TGIF1: variants seen among roughly 807,000 people sequenced by gnomAD.
TGIF1 encodes TGFB induced factor homeobox 1.
A neutral mutation model predicts 19.3 loss-of-function variants in TGIF1; 4 were observed. The ratio of observed to expected loss-of-function variants is 0.21; its 90% CI spans 0.10 to 0.47. The LOEUF is 0.47. Ranked by LOEUF, TGIF1 falls within the 20% of genes least tolerant of loss-of-function variation. The pLI, the probability that TGIF1 is intolerant of heterozygous loss-of-function variation, is 0.98. For synonymous variants in TGIF1, 122 were observed against 129.3 expected (o/e 0.94, Z 0.38); for missense variants, 275 against 341.4 (o/e 0.81, Z 1.53).
chr18:3,452,339 A>G, intron 1 of TGIF1: 2 of 1,613,288 alleles, frequency 1.2e-6, no homozygotes, highest in Non-Finnish European at 1.7e-6. Context: ...CCCAGGGCGC[A>G]CAGGGTCCAG....
rs184302137 is a variant in TGIF1, at chr18:3,450,678, C to T, written c.16+173C>T. On this transcript the variant is annotated intron_variant, in intron 1 of 2. Coordinates refer to ENST00000343820, the MANE Select transcript of TGIF1 (RefSeq NM_003244.4). ...GTCTGAAACGGCAGCGGCTGTTTTC[C>T]TGCTAGACACAACACGAGGGGCTGT... Among the ~76,000 whole-genome samples, 488 of 152,322 alleles carry T rather than the reference C, an allele frequency of 3.2e-3. 1 individual carries two copies. Among genetic ancestry groups the T allele is most frequent in the African/African-American group, 0.011 (447 of 41,574 alleles).
intron 1 of TGIF1, among the ~76,000 whole-genome samples, chr18:3,450,972 C>G (rs2082904028): frequency 6.8e-6 from 1 of 147,986 alleles, no homozygotes; most frequent in Admixed American, 6.7e-5. Flanking sequence ...GCTCCCCCCG[C>G]CCCCGCCCCC....
rs2082920315 is a variant in TGIF1 at position 3,451,371 on chromosome 18, A to C, written c.16+866A>C. 1.0e-6 allele frequency: 1 copy of C among 983,518 alleles called. No individual in the cohort carries two copies. The highest frequency in any genetic ancestry group is 1.8e-5 in the African/African-American group (1 of 55,696). 60.9% of individuals were successfully genotyped at this position (983,518 alleles called of 1,614,324 possible). ...GGGGGACGGGGGGTGGAGAAACCAC[A>C]CAAAACACCCCGAAAGGTCAGAGTG... On this transcript the variant is annotated intron_variant, in intron 1 of 2. Coordinates refer to ENST00000343820, the MANE Select transcript of TGIF1 (RefSeq NM_003244.4). This position sits in a 1 kb window ranked among gnomAD's most constrained non-coding sequence, Gnocchi z 5.4.
At chr18:3,427,178 A>G (rs1196706094) in intron 2 of TGIF1, among the ~76,000 whole-genome samples, 1 of 152,048 alleles carries the variant, frequency 6.6e-6, no homozygotes, top group Non-Finnish European at 1.5e-5. Flanking sequence ...TCCTGACCTC[A>G]GGCAATCCAC....
At chr18:3,431,893 G>C (rs901328077) in intron 2 of TGIF1, among the ~76,000 whole-genome samples, 4 of 152,144 alleles carry the variant, frequency 2.6e-5, no homozygotes, top group Non-Finnish European at 5.9e-5. Context: ...CTCTTTGGGA[G>C]GCTGAGGCAG....
chr18:3,422,011 T>C (rs1740624264), intron 2 of TGIF1, among the ~76,000 whole-genome samples: 2 of 151,960 alleles, frequency 1.3e-5, no homozygotes, highest in Admixed American at 6.6e-5. Flanking sequence ...CTGGCCAACA[T>C]GGTGAAACCC....
At chr18:3,436,754 G>C (rs1377871009) in intron 2 of TGIF1, among the ~76,000 whole-genome samples, 1 of 151,960 alleles carries the variant, frequency 6.6e-6, no homozygotes, top group East Asian at 1.9e-4. Context: ...GGGAAGTGGA[G>C]GTTCCAGTGA....
chr18:3,457,019 G>A lies in TGIF1; in HGVS notation c.244-346G>A, dbSNP rs2049377578. On this transcript the variant is annotated intron_variant, in intron 2 of 2. Coordinates refer to ENST00000343820, the MANE Select transcript of TGIF1 (RefSeq NM_003244.4). The surrounding 1 kb of genome is among the most constrained non-coding windows in gnomAD (Gnocchi z 4.9). Reference sequence around the variant, plus strand: ...GTAGTTGATTAACTTAAATGTTGGGGCAGTAGGTGATAGGTTAAAATGGGG... The same window carrying A: ...GTAGTTGATTAACTTAAATGTTGGGACAGTAGGTGATAGGTTAAAATGGGG... 1.8e-6 allele frequency: 1 copy of A among 553,726 alleles called. No individual in the cohort carries two copies. The highest frequency in any genetic ancestry group is 3.2e-6 in the Non-Finnish European group (1 of 313,952). The allele number at this position is 553,726 out of a possible 1,614,324, so 34.3% of individuals were successfully genotyped here. A position where few individuals can be genotyped will look rare whatever the true frequency, so the allele number is the denominator to read the frequency against.
intron 2 of TGIF1, among the ~76,000 whole-genome samples, chr18:3,443,557 T>C (rs2143246375): frequency 6.6e-6 from 1 of 152,228 alleles, no homozygotes; most frequent in African/African-American, 2.4e-5. Context: ...GCCCAGCCAA[T>C]ATAATATGAA....
In TGIF1 at chr18:3,459,766, C is replaced by T. The variant is rs1292272484; in HGVS notation, c.*1826C>T. On this transcript the variant is annotated 3_prime_UTR_variant, in exon 3 of 3. Transcript: ENST00000343820. ...AAAAACTGTAAGTCACCTTAAATTC[C>T]CTATGTTTTACTTCATTTTTTCCCT... The T allele has an allele frequency of 2.0e-5, 3 of 152,126 alleles. No homozygotes were observed. The highest frequency in any genetic ancestry group is 7.2e-5 in the African/African-American group (3 of 41,430). 9.4% of individuals were successfully genotyped at this position (152,126 alleles called of 1,614,324 possible).
chr18:3,445,745 AAAAAAAAAGAGAAGAAAAGC>A, upstream of TGIF1, among the ~76,000 whole-genome samples: 1 of 129,710 alleles, frequency 7.7e-6, no homozygotes, highest in African/African-American at 3.1e-5. Flanking sequence ...AAAAAAAAAA[AAAAAAAAAGAGAAGAAAAGC>A]AAAAAAAAAA....
intron 2 of TGIF1, among the ~76,000 whole-genome samples, chr18:3,434,720 G>A (rs562784041): frequency 3.3e-5 from 5 of 151,918 alleles, no homozygotes; most frequent in Admixed American, 2.0e-4. Context: ...CTCAGAAAAC[G>A]AAAATAAATA....
At chr18:3,442,909 G>C (rs932156133) in intron 2 of TGIF1, among the ~76,000 whole-genome samples, 1 of 152,182 alleles carries the variant, frequency 6.6e-6, no homozygotes, top group African/African-American at 2.4e-5. Context: ...ATAATATTCA[G>C]CGTTAGTGAG....
chr18:3,423,334 C>A (rs2082429966), intron 2 of TGIF1, among the ~76,000 whole-genome samples: 1 of 152,032 alleles, frequency 6.6e-6, no homozygotes, highest in Non-Finnish European at 1.5e-5. Context: ...GTCCCTTGAG[C>A]CCAGAGTTCT....
At chr18:3,447,697 T>C (rs1295074086), upstream of TGIF1, 2 of 1,612,886 alleles carry the variant, frequency 1.2e-6, no homozygotes, top group South Asian at 2.2e-5. Context: ...TGTGCCAGTG[T>C]TTCTCTTTGG....
chr18:3,454,639 A>C (rs2083106366), intron 1 of TGIF1, among the ~76,000 whole-genome samples: 1 of 152,226 alleles, frequency 6.6e-6, no homozygotes, highest in Non-Finnish European at 1.5e-5. Flanking sequence ...CAATAGTGAA[A>C]GTAGTTTCAG....
intron 2 of TGIF1, among the ~76,000 whole-genome samples, chr18:3,440,654 G>A (rs532665188): frequency 6.6e-6 from 1 of 152,248 alleles, no homozygotes; most frequent in South Asian, 2.1e-4. Flanking sequence ...TGCCTGCTCA[G>A]GTTTTTATAC....
rs1162273557 is a variant in TGIF1 at position 3,451,758 on chromosome 18, A to T, written c.16+1253A>T. 1 of 1,250,066 alleles carries T rather than the reference A, an allele frequency of 8.0e-7. No individual in the cohort carries two copies. Among genetic ancestry groups the T allele is most frequent in the Non-Finnish European group, 1.0e-6 (1 of 998,356 alleles). The allele number at this position is 1,250,066 out of a possible 1,614,324, so 77.4% of individuals were successfully genotyped here. On this transcript the variant is annotated intron_variant, in intron 1 of 2. Transcript: ENST00000343820. The surrounding 1 kb of genome is among the most constrained non-coding windows in gnomAD (Gnocchi z 5.4). Reference sequence around the variant, plus strand: ...TGAAATTAAACTTGAAACTCGGATCAACTGGCAGTCGTTGTTGGTAGAACG... The same window carrying T: ...TGAAATTAAACTTGAAACTCGGATCTACTGGCAGTCGTTGTTGGTAGAACG...
chr18:3,445,765 C>CAAAAAAAAAAAAA (rs755240649), upstream of TGIF1, among the ~76,000 whole-genome samples: 4 of 35,848 alleles, frequency 1.1e-4, no homozygotes, highest in African/African-American at 1.4e-4. Flanking sequence ...AGAAGAAAAG[C>CAAAAAAAAAAAAA]AAAAAAAAAA....
Sources: gnomAD v4.1 joint callset for allele counts (sites outside exome capture counted in the v4.1 genomes callset) on GRCh38, gnomAD v4.1.1 for gene constraint, Gnocchi (gnomAD v3.1) non-coding constraint, MANE v1.5 for transcripts, NCBI Gene and HGNC (gene_info 2026-07-23, HGNC 2026-07-21) for gene names.